C10orf90: variants seen among roughly 807,000 people sequenced by gnomAD.
The protein encoded by C10orf90 is (E2-independent) E3 ubiquitin-conjugating enzyme FATS.
Under a neutral mutation model 62.5 loss-of-function variants are expected in C10orf90, and 56 were observed. The ratio of observed to expected loss-of-function variants is 0.90; its 90% CI spans 0.72 to 1.12. The LOEUF is 1.12. Ranked by LOEUF, C10orf90 falls within the 50% of genes most tolerant of loss-of-function variation. C10orf90 has a pLI of 0.00. For synonymous variants in C10orf90, 386 were observed against 340.4 expected, an observed-to-expected ratio of 1.13 and a Z score of -1.47; for missense variants, 970 against 880.4, an observed-to-expected ratio of 1.10 and a Z score of -1.29.
intron 8 of C10orf90, 130 bp from the exon 9 acceptor site, chr10:126,426,220 A>G (rs1217139975): frequency 4.1e-6 from 3 of 735,916 alleles, no homozygotes; most frequent in Non-Finnish European, 6.8e-6. Context: ...CTAGCTCACA[A>G]CTGTAGGATG....
intron 4 of C10orf90, among the ~76,000 whole-genome samples, chr10:126,470,928 G>A (rs1032902375): frequency 2.0e-5 from 3 of 152,130 alleles, no homozygotes; most frequent in Non-Finnish European, 2.9e-5. Context: ...ATTTCCTCAC[G>A]TGGGATTGGG....
intron 3 of C10orf90, among the ~76,000 whole-genome samples, chr10:126,508,670 T>G (rs964313778): frequency 1.3e-5 from 2 of 152,184 alleles, no homozygotes; most frequent in African/African-American, 4.8e-5. Context: ...TCAGGCCACC[T>G]GGGTCTAGCG....
chr10:126,621,637 G>T (rs1845645881), intron 2 of C10orf90, among the ~76,000 whole-genome samples: 1 of 152,092 alleles, frequency 6.6e-6, no homozygotes, highest in Admixed American at 6.6e-5. Flanking sequence ...ATGACATATG[G>T]TATATTTATT....
At chr10:126,563,399 C>T (rs1489496461) in intron 2 of C10orf90, among the ~76,000 whole-genome samples, 1 of 152,146 alleles carries the variant, frequency 6.6e-6, no homozygotes, top group African/African-American at 2.4e-5. Context: ...CAGGGTTTAA[C>T]CAGAGCCATA....
chr10:126,600,265 G>T (rs957336829), intron 2 of C10orf90, among the ~76,000 whole-genome samples: 1 of 152,246 alleles, frequency 6.6e-6, no homozygotes, highest in African/African-American at 2.4e-5. Context: ...ACCGGCGTTG[G>T]CATGCGGAGT....
chr10:126,632,753 A>G (rs1393879469), intron 2 of C10orf90, among the ~76,000 whole-genome samples: 1 of 152,036 alleles, frequency 6.6e-6, no homozygotes, highest in African/African-American at 2.4e-5. Flanking sequence ...TTGTGCCATT[A>G]TATTTACTTT....
intron 3 of C10orf90, among the ~76,000 whole-genome samples, chr10:126,510,545 C>T (rs1264910831): frequency 6.6e-6 from 1 of 152,176 alleles, no homozygotes; most frequent in Admixed American, 6.5e-5. Context: ...TGAAAATCAT[C>T]TCATATTTAT....
At chr10:126,531,371 C>T (rs1196018918) in intron 2 of C10orf90, among the ~76,000 whole-genome samples, 3 of 152,008 alleles carry the variant, frequency 2.0e-5, no homozygotes, top group East Asian at 1.9e-4. Flanking sequence ...AGGGGTGCTG[C>T]GAAACCCCTG....
chr10:126,510,645 C>T (rs1591043513), intron 3 of C10orf90, among the ~76,000 whole-genome samples: 1 of 152,346 alleles, frequency 6.6e-6, no homozygotes, highest in Non-Finnish European at 1.5e-5. Context: ...ACCAGCACCA[C>T]ATAACACATT....
At position 126,501,969 on chromosome 10, in the gene C10orf90, CCA is replaced by C. The variant is rs149596544; in HGVS notation, c.1534+1986_1534+1987del. ...CACACACACACACACCACATATACA[CCA>C]CACACACACACCACACACGCATACA... On this transcript the variant is annotated intron_variant, in intron 4 of 9. Coordinates refer to ENST00000488181, the MANE Select transcript of C10orf90 (RefSeq NM_001350921.2). Among the ~76,000 whole-genome samples, 135 of 150,124 alleles carry C rather than the reference CCA, an allele frequency of 9.0e-4. No individual in the cohort carries two copies. The East Asian group carries it at 0.011, about 12-fold the overall frequency.
intron 1 of C10orf90, among the ~76,000 whole-genome samples, chr10:126,661,934 T>C (rs1051434397): frequency 6.6e-6 from 1 of 152,186 alleles, no homozygotes; most frequent in African/African-American, 2.4e-5. Context: ...GCTTGCTAAT[T>C]CTCTCATTTG....
In C10orf90 at chr10:126,464,974, A is replaced by G; in HGVS notation, c.1547T>C (p.Val516Ala). Residue 516 changes from valine (V) to alanine (A), a missense_variant, in exon 5 of 10, where the codon GTA (valine) becomes GCA (alanine). Physicochemically the swap from Val to Ala is moderately conservative, Grantham distance 64 (BLOSUM62 0). Coordinates refer to ENST00000488181, the MANE Select transcript of C10orf90 (RefSeq NM_001350921.2). Reference protein sequence around the residue: ...GWSYRAVHTKVFSGSSKRQQG... With the variant: ...GWSYRAVHTKAFSGSSKRQQG... ...TTGCCTCTTGCTGCTTCCAGAAAATACTTTTGTGTGTACTAAAAATAAAAC... is the reference window on the plus strand; with the variant it reads ...TTGCCTCTTGCTGCTTCCAGAAAATGCTTTTGTGTGTACTAAAAATAAAAC... 1.9e-6 allele frequency: 3 copies of G among 1,593,992 alleles called. No individual in the cohort carries two copies. The highest frequency in any genetic ancestry group is 2.6e-6 in the Non-Finnish European group (3 of 1,163,468).
At chr10:126,524,916 G>A (rs1195569919) in intron 2 of C10orf90, 77 of 826,934 alleles carry the variant, frequency 9.3e-5, no homozygotes, top group Non-Finnish European at 1.1e-4. Context: ...CAAGCTCACT[G>A]AACAAGCATC....
intron 1 of C10orf90, among the ~76,000 whole-genome samples, chr10:126,647,757 C>T (rs1190358745): frequency 6.6e-6 from 1 of 152,192 alleles, no homozygotes; most frequent in Non-Finnish European, 1.5e-5. Flanking sequence ...ATGCTCAGTG[C>T]TTTACATACA....
chr10:126,591,574 A>C (rs1591126457), intron 2 of C10orf90, among the ~76,000 whole-genome samples: 1 of 152,232 alleles, frequency 6.6e-6, no homozygotes, highest in East Asian at 1.9e-4. Flanking sequence ...TATATGACAA[A>C]CCCACAGCCA....
At chr10:126,610,702 C>T (rs1420132377) in intron 2 of C10orf90, among the ~76,000 whole-genome samples, 2 of 152,184 alleles carry the variant, frequency 1.3e-5, no homozygotes, top group Non-Finnish European at 2.9e-5. Flanking sequence ...TCAAATGCTT[C>T]AAAACACTTT....
chr10:126,429,613 G>C (rs1210032056), intron 8 of C10orf90, among the ~76,000 whole-genome samples, 174 bp downstream of exon 8: 1 of 152,102 alleles, frequency 6.6e-6, no homozygotes, highest in Non-Finnish European at 1.5e-5. Context: ...ACATTCAAAA[G>C]CACATTTCAA....
intron 2 of C10orf90, among the ~76,000 whole-genome samples, chr10:126,624,707 A>C (rs1845709218): frequency 6.6e-6 from 1 of 152,202 alleles, no homozygotes; most frequent in Admixed American, 6.5e-5. Flanking sequence ...GTCCCAGGAA[A>C]GAGCACCCAT....
At chr10:126,466,117 C>T (rs61863934) in intron 4 of C10orf90, among the ~76,000 whole-genome samples, 44,334 of 151,794 alleles carry the variant, frequency 0.29, 6,903 homozygotes, top group South Asian at 0.48. Flanking sequence ...AGGGACTGCA[C>T]CATGTTTTCA....
Sources: allele counts gnomAD v4.1 joint callset (sites outside exome capture counted in the v4.1 genomes callset), GRCh38; gene constraint gnomAD v4.1.1; transcripts MANE v1.5; gene names NCBI Gene and HGNC (gene_info 2026-07-23, HGNC 2026-07-21).